Variants in RGS22 observed in about 807,000 individuals in gnomAD.
RGS22 encodes regulator of G-protein signaling 22.
Under a neutral mutation model 172.9 loss-of-function variants are expected in RGS22, and 148 were observed. The observed-to-expected ratio is 0.86, with a 90% confidence interval of 0.75 to 0.98. The LOEUF (loss-of-function observed/expected upper bound fraction) is 0.98, where lower values mean the gene tolerates loss of function less well. RGS22 is among the 50% of genes least tolerant of loss of function. The pLI, the probability that RGS22 is intolerant of heterozygous loss-of-function variation, is 0.00. For missense variants in RGS22, 1,347 were observed against 1,440.8 expected (o/e 0.93, Z 1.05); for synonymous variants, 458 against 480.2 (o/e 0.95, Z 0.60).
intron 14 of RGS22, among the ~76,000 whole-genome samples, chr8:100,016,324 T>C (rs1010964522): frequency 6.6e-6 from 1 of 152,112 alleles, no homozygotes; most frequent in Non-Finnish European, 1.5e-5. Context: ...AAAAAAGAAA[T>C]GAACTAAACG....
chr8:100,074,866 C>T (rs1341826891), intron 4 of RGS22, among the ~76,000 whole-genome samples: 1 of 152,018 alleles, frequency 6.6e-6, no homozygotes, highest in Non-Finnish European at 1.5e-5. Context: ...CTCCCAGGTT[C>T]ACGCCATTCT....
At chr8:100,012,002 G>A (rs1388744295) in intron 14 of RGS22, among the ~76,000 whole-genome samples, 1 of 152,022 alleles carries the variant, frequency 6.6e-6, no homozygotes, top group African/African-American at 2.4e-5. Flanking sequence ...AAGTCAGAGA[G>A]ATAAGAGGTA....
intron 24 of RGS22, among the ~76,000 whole-genome samples, chr8:99,964,039 G>GTCA (rs1276027684): frequency 2.0e-5 from 3 of 151,656 alleles, no homozygotes; most frequent in African/African-American, 7.3e-5. Context: ...AGATAGCATC[G>GTCA]TCATCACCAC....
chr8:100,023,178 G>T (rs570832982), intron 14 of RGS22, among the ~76,000 whole-genome samples: 1 of 152,218 alleles, frequency 6.6e-6, no homozygotes, highest in East Asian at 1.9e-4. Flanking sequence ...CCATCATTAA[G>T]GTTGTAGGTC....
At chr8:99,984,745 T>A (rs1156560454) in intron 21 of RGS22, among the ~76,000 whole-genome samples, 2 of 151,434 alleles carry the variant, frequency 1.3e-5, no homozygotes, top group African/African-American at 4.9e-5. Flanking sequence ...GGTAGGTGCC[T>A]AATAAATATT....
At chr8:100,075,784 C>T (rs1811302407) in intron 4 of RGS22, among the ~76,000 whole-genome samples, 1 of 152,320 alleles carries the variant, frequency 6.6e-6, no homozygotes, top group South Asian at 2.1e-4. Flanking sequence ...CTTGGGCTAA[C>T]CTCTTAAGAA....
chr8:100,077,796 C>G (rs919642995), intron 4 of RGS22, among the ~76,000 whole-genome samples: 5 of 152,198 alleles, frequency 3.3e-5, no homozygotes. Flanking sequence ...TCTTTTCTAT[C>G]AGTTACTGAG....
At chr8:100,017,466 A>T (rs1817120964) in intron 14 of RGS22, among the ~76,000 whole-genome samples, 1 of 152,178 alleles carries the variant, frequency 6.6e-6, no homozygotes, top group Non-Finnish European at 1.5e-5. Context: ...AGAAAACTGA[A>T]TTCAGTTTGT....
intron 14 of RGS22, among the ~76,000 whole-genome samples, chr8:100,025,933 A>G (rs1818127219): frequency 6.6e-6 from 1 of 151,602 alleles, no homozygotes; most frequent in Non-Finnish European, 1.5e-5. Flanking sequence ...AAGAAAGCAC[A>G]TTCTTGACCC....
In RGS22 at chr8:99,978,030, C is replaced by A. The variant is rs750245902; in HGVS notation, c.3406G>T (p.Glu1136Ter). Reference protein sequence around the residue: ...VLFKFWPQFCEFRKNLTDENI... With the variant: ...VLFKFWPQFC ...TCATCTGTTAAATTCTTCCTAAACT[C>A]ACAGAACTGAGGCCAGAATTTAAAC... Residue 1136 changes from glutamate (E) to a stop codon, truncating the protein, a stop_gained, in exon 23 of 28, where the codon GAG becomes TAG. Transcript: ENST00000360863. LOFTEE classifies it high-confidence loss of function. The A allele has an allele frequency of 6.5e-7, 1 of 1,543,218 alleles. No individual in the cohort carries two copies. Among genetic ancestry groups the A allele is most frequent in the East Asian group, 2.4e-5 (1 of 41,050 alleles).
intron 9 of RGS22, among the ~76,000 whole-genome samples, chr8:100,059,748 A>G (rs1809957708): frequency 1.3e-5 from 2 of 152,226 alleles, no homozygotes; most frequent in Non-Finnish European, 2.9e-5. Flanking sequence ...GAGAAAAATA[A>G]CAAAGAAATT....
chr8:99,964,477 C>CAAAA (rs34613354), intron 24 of RGS22, among the ~76,000 whole-genome samples: 3 of 55,254 alleles, frequency 5.4e-5, no homozygotes, highest in Non-Finnish European at 7.6e-5. Flanking sequence ...GACCCTGTCT[C>CAAAA]AAAAAAAAAA....
chr8:100,017,360 C>T (rs968428057), intron 14 of RGS22, among the ~76,000 whole-genome samples: 12 of 152,126 alleles, frequency 7.9e-5, no homozygotes, highest in Non-Finnish European at 1.8e-4. Flanking sequence ...CCCAAGCCTA[C>T]ATTACACACA....
At chr8:100,033,607 C>G (rs937363527) in intron 14 of RGS22, among the ~76,000 whole-genome samples, 1 of 151,752 alleles carries the variant, frequency 6.6e-6, no homozygotes, top group Non-Finnish European at 1.5e-5. Flanking sequence ...CAAAGAGGAC[C>G]TGGTACCATT....
chr8:100,056,403 T>C (rs1822254461), intron 9 of RGS22, among the ~76,000 whole-genome samples: 1 of 152,096 alleles, frequency 6.6e-6, no homozygotes, highest in Non-Finnish European at 1.5e-5. Context: ...ATGAGCCAAA[T>C]GTTAATCGCC....
At chr8:99,982,841 G>A (rs1588900668) in intron 21 of RGS22, among the ~76,000 whole-genome samples, 1 of 152,176 alleles carries the variant, frequency 6.6e-6, no homozygotes, top group South Asian at 2.1e-4. Flanking sequence ...AGACACGGGG[G>A]TACATGTGCA....
intron 9 of RGS22, among the ~76,000 whole-genome samples, chr8:100,055,963 A>T (rs1822199776): frequency 1.3e-5 from 2 of 152,214 alleles, no homozygotes; most frequent in African/African-American, 4.8e-5. Context: ...GGAACTGGGT[A>T]ACAGGCAGAG....
intron 26 of RGS22, 78 bp downstream of exon 26, chr8:99,962,607 CAT>C: frequency 1.4e-6 from 2 of 1,458,148 alleles, no homozygotes; most frequent in Non-Finnish European, 1.9e-6. Context: ...CCTCCCTGTA[CAT>C]TCTGAATGGC....
intron 9 of RGS22, among the ~76,000 whole-genome samples, chr8:100,056,249 G>A (rs1822236764): frequency 6.6e-6 from 1 of 152,088 alleles, no homozygotes; most frequent in Non-Finnish European, 1.5e-5. Context: ...GTATCCGGGG[G>A]AAAAAGTTTC....
Sources: allele counts gnomAD v4.1 joint callset (sites outside exome capture counted in the v4.1 genomes callset), GRCh38; gene constraint gnomAD v4.1.1; transcripts MANE v1.5; gene names NCBI Gene and HGNC (gene_info 2026-07-23, HGNC 2026-07-21).